Variants in SERPINB11 observed in about 807,000 individuals in gnomAD.
SERPINB11 encodes serpin B11.
Under a neutral mutation model 36.7 loss-of-function variants are expected in SERPINB11, and 32 were observed. The ratio of observed to expected loss-of-function variants is 0.87; its 90% CI spans 0.66 to 1.17. The LOEUF (loss-of-function observed/expected upper bound fraction) is 1.17. Among genes scored for constraint, SERPINB11 ranks in the 50% most tolerant of loss-of-function variants. The pLI is 0.00. For synonymous variants in SERPINB11, 174 were observed against 168.1 expected, an observed-to-expected ratio of 1.04 and a Z score of -0.27; for missense variants, 528 against 458.4, an observed-to-expected ratio of 1.15 and a Z score of -1.39.
intron 3 of SERPINB11, 106 bp downstream of exon 3, chr18:63,711,500 AC>A: frequency 1.2e-6 from 1 of 809,134 alleles, no homozygotes; most frequent in Non-Finnish European, 2.1e-6. Context: ...CCATGAGGGA[AC>A]CAGCTATGTG....
intron 1 of SERPINB11, chr18:63,705,876 C>T (rs530906857): frequency 6.6e-6 from 1 of 152,318 alleles, no homozygotes; most frequent in South Asian, 2.1e-4. Flanking sequence ...CTTGGATATA[C>T]TTCACGATTG....
chr18:63,712,862 G>A (rs530134195), intron 4 of SERPINB11, among the ~76,000 whole-genome samples, 169 bp downstream of exon 4: 1 of 152,274 alleles, frequency 6.6e-6, no homozygotes, highest in South Asian at 2.1e-4. Context: ...CTCATGTAAA[G>A]TTCCCAAATA....
intron 1 of SERPINB11, among the ~76,000 whole-genome samples, chr18:63,706,760 G>A (rs181853486): frequency 2.0e-5 from 3 of 152,312 alleles, no homozygotes; most frequent in Admixed American, 2.0e-4. Flanking sequence ...TATTTCTCAT[G>A]AAAAGAAATC....
At chr18:63,719,188 T>C (rs1914742175) in intron 5 of SERPINB11, among the ~76,000 whole-genome samples, 1 of 152,094 alleles carries the variant, frequency 6.6e-6, no homozygotes, top group Non-Finnish European at 1.5e-5. Flanking sequence ...GCATTAGGGA[T>C]CCACATGTTA....
chr18:63,717,187 C>T (rs77971493), intron 5 of SERPINB11, among the ~76,000 whole-genome samples: 3,422 of 152,110 alleles, frequency 0.022, 50 homozygotes, highest in Middle Eastern at 0.034. Flanking sequence ...TGAGAGTCAT[C>T]CATGTAGTTA....
chr18:63,709,056 T>A (rs1176300472), intron 1 of SERPINB11, among the ~76,000 whole-genome samples: 1 of 152,236 alleles, frequency 6.6e-6, no homozygotes, highest in Non-Finnish European at 1.5e-5. Context: ...CCCTCTACAG[T>A]TAGCGGTGCT....
rs374002477 is a variant in SERPINB11, at chr18:63,716,111, C to T, written c.434C>T (p.Thr145Met). 24 of 1,610,758 alleles carry T rather than the reference C, an allele frequency of 1.5e-5. No homozygotes were observed. The highest frequency in any genetic ancestry group is 3.3e-4 in the Middle Eastern group (2 of 6,066). ...TVDFEQSTEE[T>M]RKTINAWVEN... ...GATTTTGAACAGTCTACAGAAGAAA[C>T]GAGGAAAACGATTAATGCTTGGGTT... Residue 145 changes from threonine to methionine, a missense_variant, in exon 5 of 8, where the codon ACG becomes ATG. Physicochemically the swap from Thr to Met is moderately conservative, Grantham distance 81. Coordinates refer to ENST00000544088, the MANE Select transcript of SERPINB11 (RefSeq NM_001370475.1).
At chr18:63,710,645 T>C (rs1413331303) in intron 2 of SERPINB11, among the ~76,000 whole-genome samples, 1 of 152,228 alleles carries the variant, frequency 6.6e-6, no homozygotes, top group Admixed American at 6.5e-5. Context: ...CATTCAGTGA[T>C]TTAAATGTGA....
chr18:63,714,780 C>T (rs528911104), intron 4 of SERPINB11, among the ~76,000 whole-genome samples: 204 of 152,112 alleles, frequency 1.3e-3, no homozygotes, highest in African/African-American at 3.2e-3. Context: ...ACATGCTTTA[C>T]GAACAATTTG....
chr18:63,720,536 T>G (rs1053762112), intron 6 of SERPINB11: 1 of 379,534 alleles, frequency 2.6e-6, no homozygotes, highest in Admixed American at 4.3e-5. Context: ...TTTAATGATA[T>G]ATCCTTTTTC....
intron 1 of SERPINB11, among the ~76,000 whole-genome samples, chr18:63,706,399 G>A (rs1426152324): frequency 1.3e-5 from 2 of 152,200 alleles, no homozygotes; most frequent in African/African-American, 2.4e-5. Flanking sequence ...GATACGTACT[G>A]ACTGGAAATA....
chr18:63,708,415 T>G (rs908138433), intron 1 of SERPINB11, among the ~76,000 whole-genome samples: 7 of 152,162 alleles, frequency 4.6e-5, no homozygotes, highest in African/African-American at 1.7e-4. Context: ...CTGGGGAGCA[T>G]GAGAAATGTG....
At chr18:63,721,992 G>A (rs1280194805) in intron 7 of SERPINB11, among the ~76,000 whole-genome samples, 3 of 152,160 alleles carry the variant, frequency 2.0e-5, no homozygotes, top group East Asian at 1.9e-4. Context: ...GTAGACTATG[G>A]GATTAGAATG....
Position 63,720,802 on chromosome 18 carries a change from G to A in SERPINB11, c.619-29G>A, listed in dbSNP as rs1253274882. 2.0e-6 allele frequency: 3 copies of A among 1,502,658 alleles called. No homozygotes were observed. In the East Asian group the frequency reaches 7.4e-5, roughly 37 times the overall value. 93.1% of individuals were successfully genotyped at this position (1,502,658 alleles called of 1,614,324 possible). A position where few individuals can be genotyped will look rare whatever the true frequency, so the allele number is the denominator to read the frequency against. ...CACACATGTGCACTCACATATGTAAGTATACTATAATCTTTTTCTTCTTAA... is the reference window on the plus strand; with the variant it reads ...CACACATGTGCACTCACATATGTAAATATACTATAATCTTTTTCTTCTTAA... On this transcript the variant is annotated intron_variant, in intron 6 of 7. Coordinates refer to ENST00000544088, the MANE Select transcript of SERPINB11 (RefSeq NM_001370475.1).
chr18:63,720,581 C>A, intron 6 of SERPINB11: 1 of 403,636 alleles, frequency 2.5e-6, no homozygotes, highest in Non-Finnish European at 4.3e-6. Flanking sequence ...AAAATCCTGA[C>A]TTTGTTTTTG....
chr18:63,709,652 TAAAATA>T, intron 1 of SERPINB11, among the ~76,000 whole-genome samples: 1 of 86,454 alleles, frequency 1.2e-5, no homozygotes, highest in East Asian at 6.3e-4. Flanking sequence ...AAATAAAAAG[TAAAATA>T]AAAATAAAAA....
rs374608870 is a variant in SERPINB11 at position 63,723,241 on chromosome 18, G to A, written c.1021G>A (p.Glu341Lys). 4.6e-5 allele frequency: 75 copies of A among 1,613,808 alleles called. No homozygotes were observed. The Middle Eastern group carries it at 8.2e-4, about 18-fold the overall frequency. Residue 341 changes from glutamate (E) to lysine (K), a missense_variant, in exon 8 of 8, where the codon GAA becomes AAA. Physicochemically the swap from Glu to Lys is moderately conservative, Grantham distance 56. Transcript: ENST00000544088. The part of the protein sequence containing the change: ...AIHKSYLDVS[E>K]EGTEAAAATG... ...CCACAAGTCATACCTGGATGTCAGCGAAGAGGGCACGGAGGCAGCAGCAGC... is the reference window on the plus strand; with the variant it reads ...CCACAAGTCATACCTGGATGTCAGCAAAGAGGGCACGGAGGCAGCAGCAGC...
chr18:63,716,063 A>G lies in SERPINB11; in HGVS notation c.386A>G (p.Tyr129Cys). The G allele has an allele frequency of 6.2e-7, 1 of 1,611,354 alleles. No homozygotes were observed. The highest frequency in any genetic ancestry group is 1.1e-5 in the South Asian group (1 of 90,664). ...QQYLSCSEKW[Y>C]QARLQTVDFE... ...TATTTAAGCTGTTCTGAGAAATGGT[A>G]TCAAGCCAGGTTGCAAACTGTGGAT... is the stretch of plus-strand genomic sequence containing the variant. The change falls in exon 5 of 8, where the codon TAT (tyrosine) becomes TGT (cysteine). Residue 129 changes from tyrosine (Y) to cysteine (C), a missense_variant. Tyr to Cys is a radical substitution (Grantham distance 194, BLOSUM62 -2). Coordinates refer to ENST00000544088, the MANE Select transcript of SERPINB11 (RefSeq NM_001370475.1).
intron 1 of SERPINB11, chr18:63,705,666 C>T (rs2057322932): frequency 6.6e-6 from 1 of 152,192 alleles, no homozygotes; most frequent in Non-Finnish European, 1.5e-5. Context: ...AATAAGTGGC[C>T]TATCAGTGTA....
Sources: gnomAD v4.1 joint callset for allele counts (sites outside exome capture counted in the v4.1 genomes callset) on GRCh38, gnomAD v4.1.1 for gene constraint, MANE v1.5 for transcripts, NCBI Gene and HGNC (gene_info 2026-07-23, HGNC 2026-07-21) for gene names.